Variants in PDXDC1 observed in about 807,000 individuals in gnomAD.
PDXDC1 encodes pyridoxal-dependent decarboxylase domain-containing protein 1.
PDXDC1 carries 42 observed loss-of-function variants against 100.1 expected under a neutral mutation model. The ratio of observed to expected loss-of-function variants is 0.42; its 90% confidence interval spans 0.33 to 0.54. PDXDC1 has a LOEUF of 0.54. Ranked by LOEUF, PDXDC1 falls within the 20% of genes least tolerant of loss-of-function variation. The probability of loss-of-function intolerance (pLI) is 0.10; values close to 1 mark genes in which losing one functional copy is unlikely to be tolerated. For missense variants in PDXDC1, 636 were observed against 979.2 expected (o/e 0.65, Z 4.68); for synonymous variants, 260 against 371.7 (o/e 0.70, Z 3.46).
In PDXDC1 at chr16:15,125,510, T is replaced by G. The variant is rs2047661911; in HGVS notation, c.1400-13369T>G. The G allele has an allele frequency of 3.4e-6, 5 of 1,452,120 alleles. No individual in the cohort carries two copies. The South Asian group carries it at 5.7e-5, about 17-fold the overall frequency. The allele number at this position is 1,452,120 out of a possible 1,614,324, so 90.0% of individuals were successfully genotyped here. On this transcript the variant is annotated intron_variant, in intron 16 of 16. Transcript: ENST00000535621. ...CACACCCCCGGTACTCCAGACACAGTGACCTGCACCAGGGCTCGAGGTTTC... is the reference window on the plus strand; with the variant it reads ...CACACCCCCGGTACTCCAGACACAGGGACCTGCACCAGGGCTCGAGGTTTC...
chr16:15,022,794 T>A, intron 13 of PDXDC1, 40 bp downstream of exon 13: 1 of 1,490,998 alleles, frequency 6.7e-7, no homozygotes, highest in Non-Finnish European at 9.2e-7. Flanking sequence ...AATATAACTT[T>A]TTTTGAACCT....
At chr16:15,031,230 CT>C (rs2151635989) in intron 16 of PDXDC1, among the ~76,000 whole-genome samples, 1 of 151,024 alleles carries the variant, frequency 6.6e-6, no homozygotes, top group South Asian at 2.1e-4. Flanking sequence ...GCACTGGCCA[CT>C]ATAAGGATTG....
In PDXDC1 at chr16:15,075,006, T is replaced by G. The variant is rs549035840; in HGVS notation, c.1399+44950T>G. ...GGCTCACATCTATAAGCCCAGCACT[T>G]TGGGAAGCAGAGGTGGGGGGATCAC... On this transcript the variant is annotated intron_variant, in intron 16 of 16. Transcript: ENST00000535621. The G allele has an allele frequency of 3.8e-5, 31 of 806,910 alleles. No homozygotes were observed. In the East Asian group the frequency reaches 8.7e-4, roughly 23 times the overall value. 50.0% of individuals were successfully genotyped at this position (806,910 alleles called of 1,614,324 possible).
At chr16:15,030,879 C>T (rs1332219021) in intron 16 of PDXDC1, among the ~76,000 whole-genome samples, 3 of 152,030 alleles carry the variant, frequency 2.0e-5, no homozygotes, top group South Asian at 2.1e-4. Flanking sequence ...TAGAGTCATC[C>T]GGGAGCTTTA....
intron 3 of PDXDC1, among the ~76,000 whole-genome samples, chr16:15,001,345 C>T (rs1487385379): frequency 6.6e-5 from 10 of 152,198 alleles, no homozygotes; most frequent in African/African-American, 1.4e-4. Context: ...AAAAATTAGC[C>T]GAGCGTGGTG....
At chr16:15,145,878 T>C in the PDXDC1 span, among the ~76,000 whole-genome samples, 1 of 152,314 alleles carries the variant, frequency 6.6e-6, no homozygotes, top group Non-Finnish European at 1.5e-5. Flanking sequence ...TCCAGGGTGC[T>C]TGGCGGGCTG....
intron 3 of PDXDC1, among the ~76,000 whole-genome samples, chr16:15,001,254 C>T (rs1296967936): frequency 1.3e-5 from 2 of 152,228 alleles, no homozygotes; most frequent in African/African-American, 2.4e-5. Flanking sequence ...TTTGGGAGGC[C>T]GAGGAGGGTG....
intron 1 of PDXDC1, 125 bp downstream of exon 1, chr16:14,975,345 T>A (rs71232880): frequency 8.1e-7 from 1 of 1,232,058 alleles, no homozygotes. Context: ...TGACAGGCCC[T>A]GCCTGAGGAG....
At chr16:15,050,893 A>T (rs2044267177) in intron 16 of PDXDC1, among the ~76,000 whole-genome samples, 1 of 151,398 alleles carries the variant, frequency 6.6e-6, no homozygotes. Context: ...GAAACAAACT[A>T]AAGATTAAAT....
chr16:15,135,886 C>A, intron 16 of PDXDC1: 3 of 1,571,414 alleles, frequency 1.9e-6, no homozygotes, highest in Non-Finnish European at 1.7e-6. Flanking sequence ...AGCAGTAGTG[C>A]CCCACAGGCA....
chr16:15,023,382 A>G (rs529112745), intron 13 of PDXDC1, among the ~76,000 whole-genome samples: 1 of 152,290 alleles, frequency 6.6e-6, no homozygotes, highest in Non-Finnish European at 1.5e-5. Context: ...TCTGATTTAA[A>G]TAGGTTCATT....
intron 1 of PDXDC1, among the ~76,000 whole-genome samples, chr16:14,976,171 C>G (rs1364367500): frequency 6.6e-6 from 1 of 152,294 alleles, no homozygotes; most frequent in East Asian, 1.9e-4. Context: ...ACATTCTGCC[C>G]TCCCTCAAAG....
At chr16:15,073,018 G>T in intron 16 of PDXDC1, 1 of 1,613,342 alleles carries the variant, frequency 6.2e-7, no homozygotes, top group Non-Finnish European at 8.5e-7. Context: ...GGCAACAGGA[G>T]TTTGTCAAAG....
chr16:15,098,151 G>A (rs762637242), intron 16 of PDXDC1, among the ~76,000 whole-genome samples: 1 of 150,290 alleles, frequency 6.7e-6, no homozygotes, highest in Admixed American at 6.7e-5. Flanking sequence ...GTTGGAGGGG[G>A]CACCAAAAGC....
At position 15,032,885 on chromosome 16, in the gene PDXDC1, G is replaced by A. The variant is rs2043152209; in HGVS notation, c.1596G>A (p.Lys532=). ...GGTATGAACATGCTAATGATGATAA[G>A]AGCAGTTTGAAATCAGATCCCGAAG... ...VVRYEHANDD[K]SSLKSDPEGE... Residue 532 remains lysine, a synonymous_variant, in exon 18 of 23, where the codon AAG becomes AAA. Coordinates refer to ENST00000396410, the MANE Select transcript of PDXDC1 (RefSeq NM_015027.4). The A allele has an allele frequency of 6.2e-7, 1 of 1,603,698 alleles. No homozygotes were observed. The highest frequency in any genetic ancestry group is 8.5e-7 in the Non-Finnish European group (1 of 1,170,490).
At position 15,026,545 on chromosome 16, in the gene PDXDC1, A is replaced by G. The variant is rs541050450; in HGVS notation, c.1141-98A>G. On this transcript the variant is annotated intron_variant, in intron 13 of 22. Coordinates refer to ENST00000396410, the MANE Select transcript of PDXDC1 (RefSeq NM_015027.4). ...AACTTTTTAGTGTGTTTATTTACAA[A>G]TAGAGCATTTCTAAGCGAGTTTTTG... The G allele has an allele frequency of 2.5e-5, 24 of 945,042 alleles. No homozygotes were observed. The East Asian group carries it at 6.1e-4, about 24-fold the overall frequency. 58.5% of individuals were successfully genotyped at this position (945,042 alleles called of 1,614,324 possible).
intron 3 of PDXDC1, among the ~76,000 whole-genome samples, chr16:15,001,042 T>A (rs1464287210): frequency 6.6e-6 from 1 of 152,160 alleles, no homozygotes; most frequent in Non-Finnish European, 1.5e-5. Context: ...TCAAATGAAA[T>A]GTATAGAAAT....
downstream of PDXDC1, chr16:15,041,794 A>G: frequency 6.6e-6 from 5 of 756,736 alleles, no homozygotes; most frequent in Non-Finnish European, 1.2e-5. Flanking sequence ...TCCGCCCTAC[A>G]GCCCGCGCCC....
At chr16:15,111,155 CAA>C (rs1491585216) in intron 16 of PDXDC1, among the ~76,000 whole-genome samples, 8 of 125,106 alleles carry the variant, frequency 6.4e-5, no homozygotes, top group African/African-American at 1.9e-4. Context: ...CACACACACA[CAA>C]AACACACAAG....
Sources: gnomAD v4.1 joint callset for allele counts (sites outside exome capture counted in the v4.1 genomes callset) on GRCh38, gnomAD v4.1.1 for gene constraint, MANE v1.5 for transcripts, NCBI Gene and HGNC (gene_info 2026-07-23, HGNC 2026-07-21) for gene names.